The following LDHA variants were observed in gnomAD, a reference collection of about 807,000 sequenced individuals.
LDHA encodes the protein lactate dehydrogenase A.
Under a neutral mutation model 36.3 loss-of-function variants are expected in LDHA, and 10 were observed. The observed-to-expected ratio is 0.28, with a 90% CI of 0.17 to 0.47. The LOEUF is 0.47. Among genes scored for constraint, LDHA ranks in the 20% least tolerant of loss-of-function variants. The pLI, the probability that LDHA is intolerant of heterozygous loss-of-function variation, is 0.99. For synonymous variants in LDHA, 110 were observed against 136.7 expected (o/e 0.80, Z 1.36); for missense variants, 267 against 405.8 (o/e 0.66, Z 2.94).
chr11:18,398,115 CAT>C (rs145118034), intron 2 of LDHA, among the ~76,000 whole-genome samples: 4,688 of 152,186 alleles, frequency 0.031, 254 homozygotes, highest in African/African-American at 0.11. Context: ...AACTGACACT[CAT>C]TATATTGTGG....
chr11:18,402,110 C>T (rs1323004452), intron 4 of LDHA, among the ~76,000 whole-genome samples: 5 of 151,776 alleles, frequency 3.3e-5, no homozygotes, highest in African/African-American at 2.4e-5. Context: ...CACGTGCCAC[C>T]ATGCTCGGCT....
In LDHA at chr11:18,396,956, T is replaced by C. The variant is rs1338464290; in HGVS notation, c.114T>C (p.Ser38=). The C allele has an allele frequency of 4.3e-6, 7 of 1,614,032 alleles. No homozygotes were observed. The highest frequency in any genetic ancestry group is 5.1e-6 in the Non-Finnish European group (6 of 1,180,020). Residue 38 remains serine (S), a synonymous_variant, in exon 2 of 8, where the codon AGT becomes AGC. Transcript: ENST00000422447. ...VGAVGMACAI[S]ILMKDLADEL... Reference sequence around the variant, plus strand: ...CTGTTGGCATGGCCTGTGCCATCAGTATCTTAATGAAGGTAAGTGAGAGTC... The same window carrying C: ...CTGTTGGCATGGCCTGTGCCATCAGCATCTTAATGAAGGTAAGTGAGAGTC...
chr11:18,396,537 A>G (rs1363972890), intron 1 of LDHA: 10 of 1,335,602 alleles, frequency 7.5e-6, no homozygotes, highest in Non-Finnish European at 9.6e-6. Context: ...ACTTGGGGTT[A>G]ATAAACCGCG....
chr11:18,402,442 C>T, intron 4 of LDHA: 1 of 259,104 alleles, frequency 3.9e-6, no homozygotes, highest in South Asian at 4.3e-5. Flanking sequence ...TACAGGCGTG[C>T]ACCAATATGC....
intron 6 of LDHA, among the ~76,000 whole-genome samples, chr11:18,405,002 A>G (rs1306271382): frequency 1.3e-5 from 2 of 152,134 alleles, no homozygotes; most frequent in Non-Finnish European, 2.9e-5. Context: ...AAATAAGTGG[A>G]TTCTGTGCTC....
At chr11:18,394,741 G>C (rs1265818304) in intron 1 of LDHA, 105 bp downstream of exon 1, 6 of 443,306 alleles carry the variant, frequency 1.4e-5, no homozygotes, top group African/African-American at 2.0e-5. Context: ...TCCTGCTCCC[G>C]GGAGGTGTAG....
intron 4 of LDHA, chr11:18,402,392 C>G (rs1866539999): frequency 5.5e-6 from 1 of 180,404 alleles, no homozygotes; most frequent in Non-Finnish European, 1.2e-5. Context: ...CTACTAGGCT[C>G]AGGTGATCCT....
intron 1 of LDHA, chr11:18,395,083 G>A (rs1469014559): frequency 1.5e-5 from 3 of 194,016 alleles, no homozygotes; most frequent in Non-Finnish European, 1.1e-5. Context: ...AAGCGGCTGA[G>A]TACCACGCGG....
intron 4 of LDHA, chr11:18,402,546 C>A: frequency 2.8e-6 from 1 of 357,044 alleles, no homozygotes; most frequent in Non-Finnish European, 5.4e-6. Context: ...AGTCCTCCCA[C>A]CTCAGCCTCC....
At position 18,400,482 on chromosome 11, in the gene LDHA, C is replaced by CACACAT. The variant is rs1418975031; in HGVS notation, c.245-355_245-354insACACAT. 230 of 344,156 alleles carry CACACAT rather than the reference C, an allele frequency of 6.7e-4. 3 individuals carry two copies. The highest frequency in any genetic ancestry group is 1.0e-3 in the Non-Finnish European group (179 of 176,718). 21.3% of individuals were successfully genotyped at this position (344,156 alleles called of 1,614,324 possible). A position where few individuals can be genotyped will look rare whatever the true frequency, so the allele number is the denominator to read the frequency against. On this transcript the variant is annotated intron_variant, in intron 3 of 7. Coordinates refer to ENST00000422447, the MANE Select transcript of LDHA (RefSeq NM_005566.4). ...ACACACACACACACACACACACACA[C>CACACAT]GAAATTGCCTGTTCCTGGGCTGATA...
chr11:18,401,874 T>C (rs546196460), intron 4 of LDHA, among the ~76,000 whole-genome samples: 3 of 151,836 alleles, frequency 2.0e-5, no homozygotes, highest in African/African-American at 7.2e-5. Flanking sequence ...GGGAATACAA[T>C]GCCTTTAAAT....
At chr11:18,404,051 C>G (rs1436939216) in intron 6 of LDHA, among the ~76,000 whole-genome samples, 1 of 152,126 alleles carries the variant, frequency 6.6e-6, no homozygotes, top group Non-Finnish European at 1.5e-5. Context: ...CTGCCTCAGC[C>G]TCCTGGGTAC....
rs560554983 is a variant in LDHA, at chr11:18,407,542, G to A, written c.*261G>A. 2 of 738,406 alleles carry A rather than the reference G, an allele frequency of 2.7e-6. No individual in the cohort carries two copies. The highest frequency in any genetic ancestry group is 1.7e-5 in the African/African-American group (1 of 57,910). 45.7% of individuals were successfully genotyped at this position (738,406 alleles called of 1,614,324 possible). On this transcript the variant is annotated 3_prime_UTR_variant, in exon 8 of 8. Coordinates refer to ENST00000422447, the MANE Select transcript of LDHA (RefSeq NM_005566.4). ...GTTCTGCCACCTCTGACGCACCACT[G>A]CCAATGCTGTACGTACTGCATTTGC...
intron 1 of LDHA, 59 bp from the exon 2 acceptor site, chr11:18,396,760 C>A (rs895585462): frequency 4.7e-6 from 7 of 1,475,040 alleles, no homozygotes; most frequent in Non-Finnish European, 6.4e-6. Context: ...TTAAAAAAAT[C>A]TCTTGGTTAA....
At chr11:18,397,897 A>AGAAGG in intron 2 of LDHA, among the ~76,000 whole-genome samples, 1 of 152,324 alleles carries the variant, frequency 6.6e-6, no homozygotes, top group Non-Finnish European at 1.5e-5. Flanking sequence ...GATTCAAGTG[A>AGAAGG]GAAGGGACTA....
intron 7 of LDHA, 27 bp from the exon 8 acceptor site, chr11:18,407,090 A>ATTTTTTTT: frequency 2.8e-6 from 4 of 1,452,558 alleles, no homozygotes; most frequent in Non-Finnish European, 3.8e-6. Context: ...AAAATGTGAG[A>ATTTTTTTT]TTTTTTTTTT....
chr11:18,401,060 GTATATGA>G, intron 4 of LDHA, 50 bp downstream of exon 4: 1 of 978,310 alleles, frequency 1.0e-6, no homozygotes, highest in Non-Finnish European at 1.6e-6. Context: ...AAAACTGATA[GTATATGA>G]TATATATATT....
Position 18,400,924 on chromosome 11 carries a change from A to T in LDHA, c.332A>T (p.Gln111Leu). 1 of 1,613,358 alleles carries T rather than the reference A, an allele frequency of 6.2e-7. No individual in the cohort carries two copies. Among genetic ancestry groups the T allele is most frequent in the Non-Finnish European group, 8.5e-7 (1 of 1,179,420 alleles). ...QEGESRLNLV[Q>L]RNVNIFKFII... ...GGAGAAAGCCGTCTTAATTTGGTCC[A>T]GCGTAACGTGAACATCTTTAAATTC... is the stretch of plus-strand genomic sequence containing the variant. The change falls in exon 4 of 8, where the codon CAG (glutamine) becomes CTG (leucine). Residue 111 changes from glutamine (Q) to leucine (L), a missense_variant. Transcript: ENST00000422447.
At chr11:18,403,954 A>G in intron 6 of LDHA, 143 bp downstream of exon 6, 1 of 671,008 alleles carries the variant, frequency 1.5e-6, no homozygotes, top group Non-Finnish European at 2.7e-6. Flanking sequence ...TGTTTGAGAC[A>G]GAATCTTGCC....
Sources: gnomAD v4.1 joint callset for allele counts (sites outside exome capture counted in the v4.1 genomes callset) on GRCh38, gnomAD v4.1.1 for gene constraint, MANE v1.5 for transcripts, NCBI Gene and HGNC (gene_info 2026-07-23, HGNC 2026-07-21) for gene names.